CDYL: variants seen among roughly 807,000 people sequenced by gnomAD.
CDYL encodes the protein chromodomain Y like, also known as chromodomain Y-like protein.
A neutral mutation model predicts 47.3 loss-of-function variants in CDYL; 8 were observed. The ratio of observed to expected loss-of-function variants is 0.17; its 90% CI spans 0.10 to 0.31. The LOEUF is 0.31. Ranked by LOEUF, CDYL falls within the 10% of genes least tolerant of loss-of-function variation. The pLI is 1.00. For synonymous variants in CDYL, 266 were observed against 265.0 expected (o/e 1.00, Z -0.04); for missense variants, 471 against 701.4 (o/e 0.67, Z 3.71).
chr6:4,798,652 T>A (rs1161646174), intron 1 of CDYL, among the ~76,000 whole-genome samples: 1 of 152,224 alleles, frequency 6.6e-6, no homozygotes, highest in Non-Finnish European at 1.5e-5. Flanking sequence ...ATAATTTTCT[T>A]ATTTCACATC....
intron 2 of CDYL, among the ~76,000 whole-genome samples, chr6:4,912,903 G>A (rs1242902814): frequency 6.6e-6 from 1 of 152,156 alleles, no homozygotes; most frequent in East Asian, 1.9e-4. Flanking sequence ...CCTCTTAAAG[G>A]CCCCTCGTCT....
Position 4,781,917 on chromosome 6 carries a change from C to G in CDYL, c.24+5110C>G, listed in dbSNP as rs558543875. 4.8e-4 allele frequency among the ~76,000 whole-genome samples: 73 copies of G among 152,234 alleles called. 2 individuals carry two copies. In the South Asian group the frequency reaches 0.015, roughly 30 times the overall value. On this transcript the variant is annotated intron_variant, in intron 1 of 6. Coordinates refer to ENST00000397588, the MANE Select transcript of CDYL (RefSeq NM_004824.4). Reference sequence around the variant, plus strand: ...CTTTTTTCAATTCAGATTCTTGAACCCAAACCACGAGATTATAATTTTCAA... The same window carrying G: ...CTTTTTTCAATTCAGATTCTTGAACGCAAACCACGAGATTATAATTTTCAA...
intron 2 of CDYL, among the ~76,000 whole-genome samples, chr6:4,899,880 G>A (rs1756967690): frequency 6.6e-6 from 1 of 152,176 alleles, no homozygotes; most frequent in Admixed American, 6.5e-5. Context: ...TCTCACTCTG[G>A]ATAGGGAACC....
At chr6:4,797,840 A>G (rs898190272) in intron 1 of CDYL, among the ~76,000 whole-genome samples, 4 of 152,216 alleles carry the variant, frequency 2.6e-5, no homozygotes, top group Non-Finnish European at 5.9e-5. Context: ...ACTTGGTGGG[A>G]CATTTGAGTT....
intron 1 of CDYL, among the ~76,000 whole-genome samples, chr6:4,824,155 A>C (rs1759916406): frequency 6.6e-6 from 1 of 152,190 alleles, no homozygotes; most frequent in South Asian, 2.1e-4. Context: ...CGTTGTTTCC[A>C]TATTTTGGCT....
intron 2 of CDYL, among the ~76,000 whole-genome samples, chr6:4,910,845 T>G (rs1279346349): frequency 6.6e-6 from 1 of 151,954 alleles, no homozygotes; most frequent in Non-Finnish European, 1.5e-5. Flanking sequence ...TTTTTTTTTT[T>G]TTCCCCAAGA....
intron 1 of CDYL, among the ~76,000 whole-genome samples, chr6:4,706,828 G>A (rs911552281): frequency 6.6e-6 from 1 of 152,070 alleles, no homozygotes; most frequent in Admixed American, 6.6e-5. Flanking sequence ...GGAGCAGAGA[G>A]TGGCAAAGCA....
chr6:4,952,493 C>A (rs1402732605), intron 6 of CDYL, 84 bp downstream of exon 6: 2 of 1,462,408 alleles, frequency 1.4e-6, no homozygotes, highest in South Asian at 1.3e-5. Context: ...TGCAATTATT[C>A]CTAAGTCCTT....
chr6:4,835,963 T>A (rs1760291248), intron 1 of CDYL: 1 of 152,684 alleles, frequency 6.5e-6, no homozygotes. Flanking sequence ...GTGACCCAAT[T>A]TTCCAGGTGC....
At chr6:4,807,375 A>C (rs112475234) in intron 1 of CDYL, among the ~76,000 whole-genome samples, 1 of 152,158 alleles carries the variant, frequency 6.6e-6, no homozygotes, top group African/African-American at 2.4e-5. Context: ...CTTTGTAATT[A>C]ATACATATCT....
chr6:4,709,038 TGTTAACTTTTTTTTA>T (rs1292234560), intron 1 of CDYL, among the ~76,000 whole-genome samples: 1 of 152,108 alleles, frequency 6.6e-6, no homozygotes. Flanking sequence ...AATAAAATAT[TGTTAACTTTTTTTTA>T]GTTAACAGTT....
intron 2 of CDYL, among the ~76,000 whole-genome samples, chr6:4,917,042 C>A (rs1184765852): frequency 6.6e-6 from 1 of 152,102 alleles, no homozygotes; most frequent in African/African-American, 2.4e-5. Flanking sequence ...TATACAGGGG[C>A]AATGCTAGGA....
chr6:4,803,177 A>T (rs1475908917), intron 1 of CDYL, among the ~76,000 whole-genome samples: 1 of 152,050 alleles, frequency 6.6e-6, no homozygotes, highest in Non-Finnish European at 1.5e-5. Context: ...AGACCCTTCT[A>T]GTTTTGGCTG....
intron 5 of CDYL, 165 bp downstream of exon 5, chr6:4,943,921 C>T (rs1758437614): frequency 9.1e-6 from 5 of 547,298 alleles, no homozygotes; most frequent in Middle Eastern, 4.8e-4. Flanking sequence ...ACCTTTGTTG[C>T]ATCATTCCCT....
chr6:4,758,609 G>T (rs180816043), intron 3 of CDYL, among the ~76,000 whole-genome samples: 2 of 151,962 alleles, frequency 1.3e-5, no homozygotes, highest in African/African-American at 4.8e-5. Context: ...GTTGCCGTGA[G>T]CCGAGATCAT....
chr6:4,953,249 T>G (rs1251809102), intron 6 of CDYL, among the ~76,000 whole-genome samples: 1 of 151,626 alleles, frequency 6.6e-6, no homozygotes, highest in African/African-American at 2.4e-5. Context: ...CCAGGCTTGG[T>G]GGTGCACGCC....
At chr6:4,927,392 T>G (rs1757907195) in intron 2 of CDYL, among the ~76,000 whole-genome samples, 1 of 151,692 alleles carries the variant, frequency 6.6e-6, no homozygotes, top group African/African-American at 2.4e-5. Context: ...TTTTTTATGT[T>G]TTAGTGTTTT....
intron 3 of CDYL, among the ~76,000 whole-genome samples, chr6:4,746,147 C>CATTT: frequency 6.6e-6 from 1 of 151,890 alleles, no homozygotes; most frequent in African/African-American, 2.4e-5. Flanking sequence ...AGGTGGATCG[C>CATTT]GAGGTCAGGA....
chr6:4,840,317 G>A (rs1022392697), intron 1 of CDYL, among the ~76,000 whole-genome samples: 2 of 152,132 alleles, frequency 1.3e-5, no homozygotes, highest in African/African-American at 4.8e-5. Flanking sequence ...AGAATCTTTA[G>A]GAGTTTCTTG....
Sources: allele counts gnomAD v4.1 joint callset (sites outside exome capture counted in the v4.1 genomes callset), GRCh38; gene constraint gnomAD v4.1.1; transcripts MANE v1.5; gene names NCBI Gene and HGNC (gene_info 2026-07-23, HGNC 2026-07-21).